The following CENPW variants were observed in gnomAD, a reference collection of about 807,000 sequenced individuals.
CENPW encodes the protein cancer-up-regulated gene 2 protein.
In CENPW, 3 loss-of-function variants were observed where a neutral mutation model predicts 11.1. The observed-to-expected ratio is 0.27, with a 90% CI of 0.12 to 0.70. The LOEUF is 0.70. CENPW is among the 30% of genes least tolerant of loss of function. The pLI is 0.77. For missense variants in CENPW, 100 were observed against 105.6 expected, an observed-to-expected ratio of 0.95 and a Z score of 0.23; for synonymous variants, 38 against 42.0, an observed-to-expected ratio of 0.91 and a Z score of 0.37.
At chr6:126,368,108 T>G in the CENPW span, among the ~76,000 whole-genome samples, 5 of 152,220 alleles carry the variant, frequency 3.3e-5, no homozygotes, top group African/African-American at 1.2e-4. Flanking sequence ...TCTCAGTCTT[T>G]CTGTGAAGGC....
At chr6:126,464,375 T>C in the CENPW span, among the ~76,000 whole-genome samples, 2 of 152,068 alleles carry the variant, frequency 1.3e-5, no homozygotes, top group African/African-American at 4.8e-5. Context: ...CTTGATTGGA[T>C]TGAAGGATGC....
the CENPW span, among the ~76,000 whole-genome samples, chr6:126,425,734 C>G: frequency 6.6e-6 from 1 of 151,578 alleles, no homozygotes; most frequent in Non-Finnish European, 1.5e-5. Context: ...ACCAAATATG[C>G]ATCATCTGTA....
the CENPW span, among the ~76,000 whole-genome samples, chr6:126,473,253 G>A: frequency 2.9e-3 from 444 of 152,234 alleles, 3 homozygotes; most frequent in Middle Eastern, 0.048. Context: ...GTGGATGTAA[G>A]TTTTTGAATC....
the CENPW span, among the ~76,000 whole-genome samples, chr6:126,427,278 T>G: frequency 6.6e-6 from 1 of 152,126 alleles, no homozygotes; most frequent in Non-Finnish European, 1.5e-5. Flanking sequence ...ATGGTATAGG[T>G]AAGTAAAAAT....
chr6:126,359,860 T>A, the CENPW span, among the ~76,000 whole-genome samples: 1 of 151,956 alleles, frequency 6.6e-6, no homozygotes, highest in African/African-American at 2.4e-5. Flanking sequence ...AGACAGCAGA[T>A]AGTTGGGTCT....
the CENPW span, among the ~76,000 whole-genome samples, chr6:126,439,685 A>G: frequency 2.6e-5 from 4 of 151,688 alleles, no homozygotes; most frequent in African/African-American, 9.7e-5. Flanking sequence ...GTAGTTTATC[A>G]AAGCTAAAAA....
At chr6:126,369,868 G>A in the CENPW span, among the ~76,000 whole-genome samples, 2 of 152,270 alleles carry the variant, frequency 1.3e-5, no homozygotes, top group East Asian at 1.9e-4. Flanking sequence ...GTCAAGAAGG[G>A]TTTTTCCAAT....
the CENPW span, among the ~76,000 whole-genome samples, chr6:126,458,530 T>TTACC: frequency 5.9e-5 from 9 of 151,354 alleles, no homozygotes; most frequent in Non-Finnish European, 1.3e-4. Context: ...TACCAGCCTG[T>TTACC]TACCATAGGT....
the CENPW span, among the ~76,000 whole-genome samples, chr6:126,451,103 C>T: frequency 6.6e-6 from 1 of 150,818 alleles, no homozygotes; most frequent in Non-Finnish European, 1.5e-5. Flanking sequence ...GAATAGTGCA[C>T]CAACTTTGAA....
chr6:126,424,363 A>G, the CENPW span, among the ~76,000 whole-genome samples: 2 of 152,144 alleles, frequency 1.3e-5, no homozygotes, highest in Admixed American at 6.6e-5. Flanking sequence ...ATGATATACT[A>G]AATTACTGCT....
chr6:126,378,648 G>A, the CENPW span, among the ~76,000 whole-genome samples: 1 of 152,106 alleles, frequency 6.6e-6, no homozygotes, highest in Non-Finnish European at 1.5e-5. Flanking sequence ...TCATAAAACA[G>A]GGAATGGTAA....
chr6:126,356,059 C>T, the CENPW span, among the ~76,000 whole-genome samples: 1 of 152,102 alleles, frequency 6.6e-6, no homozygotes, highest in Non-Finnish European at 1.5e-5. Flanking sequence ...GATGCTGTCA[C>T]AAACTACACT....
chr6:126,359,363 T>C, the CENPW span, among the ~76,000 whole-genome samples: 3 of 152,216 alleles, frequency 2.0e-5, no homozygotes, highest in East Asian at 5.8e-4. Flanking sequence ...TCTTAGAATA[T>C]GTTCTGTGTG....
the CENPW span, among the ~76,000 whole-genome samples, chr6:126,472,575 G>A: frequency 6.6e-6 from 1 of 152,118 alleles, no homozygotes; most frequent in Non-Finnish European, 1.5e-5. Context: ...AGGGACATCT[G>A]GATTGTTTCC....
the CENPW span, among the ~76,000 whole-genome samples, chr6:126,434,599 G>T: frequency 6.6e-6 from 1 of 151,868 alleles, no homozygotes; most frequent in African/African-American, 2.4e-5. Context: ...TGAAAACTAC[G>T]TTACAAATTC....
At chr6:126,424,240 C>G in the CENPW span, among the ~76,000 whole-genome samples, 2 of 152,058 alleles carry the variant, frequency 1.3e-5, no homozygotes, top group Non-Finnish European at 2.9e-5. Flanking sequence ...AGACCACACA[C>G]AGAGAAACTG....
At chr6:126,464,507 A>G in the CENPW span, among the ~76,000 whole-genome samples, 1 of 152,136 alleles carries the variant, frequency 6.6e-6, no homozygotes, top group Admixed American at 6.6e-5. Context: ...GTGTGATAGA[A>G]TAAAGCAGGC....
chr6:126,380,798 AT>A, the CENPW span, among the ~76,000 whole-genome samples: 3 of 152,194 alleles, frequency 2.0e-5, no homozygotes, highest in African/African-American at 7.2e-5. Context: ...TGTCAAATTT[AT>A]TTTTAAAACT....
chr6:126,401,876 A>G, the CENPW span, among the ~76,000 whole-genome samples: 2 of 152,032 alleles, frequency 1.3e-5, no homozygotes, highest in Non-Finnish European at 2.9e-5. Context: ...CAGGTGTTCT[A>G]TACTCTCAGC....
Sources: gnomAD v4.1 joint callset for allele counts (sites outside exome capture counted in the v4.1 genomes callset) on GRCh38, gnomAD v4.1.1 for gene constraint, MANE v1.5 for transcripts, NCBI Gene and HGNC (gene_info 2026-07-23, HGNC 2026-07-21) for gene names.